Variants in ELF1 observed in about 807,000 individuals in gnomAD.
ELF1 encodes ETS-related transcription factor Elf-1.
ELF1 carries 24 observed loss-of-function variants against 59.9 expected under a neutral mutation model. The observed-to-expected ratio is 0.40, with a 90% CI of 0.29 to 0.56. ELF1 has a LOEUF of 0.56. ELF1 is among the 20% of genes least tolerant of loss of function. ELF1 has a pLI of 0.44. For missense variants in ELF1, 627 were observed against 742.2 expected, an observed-to-expected ratio of 0.84 and a Z score of 1.80; for synonymous variants, 248 against 266.2, an observed-to-expected ratio of 0.93 and a Z score of 0.67.
intron 1 of ELF1, among the ~76,000 whole-genome samples, chr13:40,984,989 A>G (rs762706637): frequency 6.6e-6 from 1 of 152,246 alleles, no homozygotes; most frequent in Non-Finnish European, 1.5e-5. Context: ...AACAACTAAC[A>G]GTAATAAATC....
At chr13:40,976,144 T>C (rs929586527) in intron 2 of ELF1, among the ~76,000 whole-genome samples, 4 of 152,212 alleles carry the variant, frequency 2.6e-5, no homozygotes, top group African/African-American at 9.6e-5. Flanking sequence ...CAGGTATGAA[T>C]GTTGGAGATC....
intron 3 of ELF1, among the ~76,000 whole-genome samples, chr13:40,953,957 G>A (rs147501715): frequency 6.6e-6 from 1 of 152,176 alleles, no homozygotes; most frequent in African/African-American, 2.4e-5. Flanking sequence ...CTTCCGGAAA[G>A]ACATTGGTCC....
chr13:41,036,983 T>C (rs1263449976), intron 1 of ELF1, among the ~76,000 whole-genome samples: 3 of 151,916 alleles, frequency 2.0e-5, no homozygotes, highest in Non-Finnish European at 4.4e-5. Context: ...AGGGATAGCA[T>C]TAGGAGATAT....
chr13:40,949,014 T>TC (rs1263679166), intron 5 of ELF1, among the ~76,000 whole-genome samples: 3 of 152,212 alleles, frequency 2.0e-5, no homozygotes, highest in Non-Finnish European at 4.4e-5. Flanking sequence ...AGATGGAGTT[T>TC]CACTCTTGTT....
At chr13:41,017,027 C>T (rs1875447052) in intron 1 of ELF1, among the ~76,000 whole-genome samples, 2 of 127,202 alleles carry the variant, frequency 1.6e-5, no homozygotes, top group African/African-American at 3.0e-5. Flanking sequence ...TATCTAGAAG[C>T]TCAAATTTAA....
chr13:40,997,449 G>C (rs1418232186), intron 1 of ELF1, among the ~76,000 whole-genome samples: 1 of 152,062 alleles, frequency 6.6e-6, no homozygotes, highest in Non-Finnish European at 1.5e-5. Context: ...GTACAGACAG[G>C]GTTTCACAAT....
intron 1 of ELF1, among the ~76,000 whole-genome samples, chr13:41,055,831 C>T (rs570887608): frequency 7.9e-5 from 12 of 151,744 alleles, no homozygotes; most frequent in South Asian, 4.2e-4. Context: ...ACTACAGGAA[C>T]GCACCACCAC....
intron 1 of ELF1, among the ~76,000 whole-genome samples, chr13:41,028,051 A>G (rs1876009190): frequency 6.6e-6 from 1 of 152,096 alleles, no homozygotes; most frequent in African/African-American, 2.4e-5. Context: ...ACTACTCACC[A>G]TTACCCACAA....
At chr13:41,061,379 G>A in exon 1 of ELF1, 1 of 527,964 alleles carries the variant, frequency 1.9e-6, no homozygotes, top group Non-Finnish European at 3.4e-6. Flanking sequence ...GTCCCGTCGC[G>A]CTTTTACCCC....
intron 1 of ELF1, among the ~76,000 whole-genome samples, chr13:41,010,140 T>G (rs1180907658): frequency 4.0e-5 from 6 of 150,488 alleles, no homozygotes; most frequent in Non-Finnish European, 8.9e-5. Flanking sequence ...GCATGGTGGC[T>G]CATGCCTGTA....
chr13:40,961,879 T>C (rs1161821961), intron 2 of ELF1, among the ~76,000 whole-genome samples: 2 of 152,212 alleles, frequency 1.3e-5, no homozygotes, highest in African/African-American at 2.4e-5. Context: ...GCGTGTAAAA[T>C]GCAATTCACA....
Position 40,949,807 on chromosome 13 carries a change from T to G in ELF1, c.528A>C (p.Lys176Asn), listed in dbSNP as rs750513856. The G allele has an allele frequency of 4.3e-6, 7 of 1,612,630 alleles. No individual in the cohort carries two copies. Among genetic ancestry groups the G allele is most frequent in the Non-Finnish European group, 8.5e-7 (1 of 1,179,390 alleles). The change falls in exon 5 of 9, where the codon AAA becomes AAC. Residue 176 changes from lysine (K) to asparagine (N), a missense_variant and splice_region_variant. Lys to Asn is a moderately conservative substitution (Grantham distance 94, BLOSUM62 0). Transcript: ENST00000239882. ...ASSPEQPKRKKGRKTKPPRPD... is the reference protein window; with the variant it reads ...ASSPEQPKRKNGRKTKPPRPD... ...CCCTAAACAAAGTAACCCACCTACC[T>G]TTTTTCCTCTTAGGCTGTTCTGGTG...
chr13:41,042,069 C>G (rs1017866948), intron 1 of ELF1, among the ~76,000 whole-genome samples: 2 of 152,138 alleles, frequency 1.3e-5, no homozygotes, highest in East Asian at 3.9e-4. Flanking sequence ...GTCACACAGG[C>G]TGGAGTGCAG....
At chr13:40,939,523 T>C (rs980621274) in intron 8 of ELF1, among the ~76,000 whole-genome samples, 4 of 151,982 alleles carry the variant, frequency 2.6e-5, no homozygotes, top group Non-Finnish European at 5.9e-5. Flanking sequence ...TAGAAACCAA[T>C]GGGAGGAACC....
chr13:41,035,844 AAACAAC>A (rs1165440085), intron 1 of ELF1, among the ~76,000 whole-genome samples: 16 of 148,646 alleles, frequency 1.1e-4, no homozygotes, highest in East Asian at 3.9e-4. Context: ...GTTAAAAAAA[AAACAAC>A]AACAACAACA....
intron 1 of ELF1, among the ~76,000 whole-genome samples, chr13:41,051,404 C>A (rs904601792): frequency 6.6e-6 from 1 of 151,998 alleles, no homozygotes; most frequent in Non-Finnish European, 1.5e-5. Flanking sequence ...TGGCTGTACC[C>A]TTCCTTTCTA....
chr13:41,036,680 G>C (rs188930551), intron 1 of ELF1, among the ~76,000 whole-genome samples: 33 of 152,250 alleles, frequency 2.2e-4, no homozygotes, highest in Middle Eastern at 3.4e-3. Context: ...CACTATTCAC[G>C]ATAGCAAAGA....
chr13:41,037,745 G>A (rs1460734267), intron 1 of ELF1, among the ~76,000 whole-genome samples: 3 of 150,022 alleles, frequency 2.0e-5, no homozygotes, highest in East Asian at 2.0e-4. Context: ...GCAGTGAGCC[G>A]AGATCACACC....
At chr13:40,942,720 C>T (rs1484211080) in intron 7 of ELF1, among the ~76,000 whole-genome samples, 3 of 152,064 alleles carry the variant, frequency 2.0e-5, no homozygotes, top group Non-Finnish European at 4.4e-5. Flanking sequence ...CAGGGTTTTG[C>T]CATGTTGCCC....
Sources: allele counts gnomAD v4.1 joint callset (sites outside exome capture counted in the v4.1 genomes callset), GRCh38; gene constraint gnomAD v4.1.1; transcripts MANE v1.5; gene names NCBI Gene and HGNC (gene_info 2026-07-23, HGNC 2026-07-21).